Variants in SYNDIG1L observed in about 807,000 individuals in gnomAD.
The protein encoded by SYNDIG1L is synapse differentiation-inducing gene protein 1-like.
Under a neutral mutation model 20.1 loss-of-function variants are expected in SYNDIG1L, and 13 were observed. That is an observed-to-expected ratio of 0.65 (90% CI 0.42 to 1.03). SYNDIG1L has a LOEUF of 1.03. Ranked by LOEUF, SYNDIG1L falls within the 50% of genes least tolerant of loss-of-function variation. SYNDIG1L has a pLI of 0.00. For synonymous variants in SYNDIG1L, 128 were observed against 129.3 expected (o/e 0.99, Z 0.07); for missense variants, 294 against 305.1 (o/e 0.96, Z 0.27).
the SYNDIG1L span, among the ~76,000 whole-genome samples, chr14:74,437,185 T>C: frequency 1.8e-4 from 28 of 152,338 alleles, no homozygotes; most frequent in South Asian, 5.8e-3. Context: ...CTTGCAGCTC[T>C]GATGTCCTGG....
At chr14:74,438,120 G>C in the SYNDIG1L span, among the ~76,000 whole-genome samples, 1 of 152,132 alleles carries the variant, frequency 6.6e-6, no homozygotes, top group African/African-American at 2.4e-5. Context: ...TAAAATCCTT[G>C]GTGAGGTCTG....
intron 1 of SYNDIG1L, among the ~76,000 whole-genome samples, chr14:74,424,308 G>A (rs2086248359): frequency 6.6e-6 from 1 of 152,212 alleles, no homozygotes; most frequent in Non-Finnish European, 1.5e-5. Context: ...CGGCGGATCT[G>A]TGACCAGAAC....
the SYNDIG1L span, among the ~76,000 whole-genome samples, chr14:74,434,975 C>T: frequency 2.1e-5 from 3 of 146,202 alleles, no homozygotes; most frequent in South Asian, 2.2e-4. Context: ...CCCAGCTGCT[C>T]GGGAGGCGGA....
chr14:74,430,184 C>G (rs1286398693), upstream of SYNDIG1L, among the ~76,000 whole-genome samples: 3 of 152,138 alleles, frequency 2.0e-5, no homozygotes, highest in Admixed American at 6.5e-5. Flanking sequence ...ATCCAGCCAC[C>G]GCAGACTGCA....
In SYNDIG1L at chr14:74,407,956, C is replaced by T. The variant is rs747690953; in HGVS notation, c.451G>A (p.Asp151Asn). ...DATSTESESE[D>N]NFLTLPPRDH... ...CTGGGAGGCAGCGTGAGGAAGTTGT[C>T]TTCACTTTCACTCTCCGTTGAAGTG... The change falls in exon 3 of 4, where the codon GAC becomes AAC. Residue 151 changes from aspartate to asparagine, a missense_variant. Coordinates refer to ENST00000331628, the MANE Select transcript of SYNDIG1L (RefSeq NM_001105579.2). The T allele has an allele frequency of 6.2e-7, 1 of 1,613,458 alleles. No individual in the cohort carries two copies. Among genetic ancestry groups the T allele is most frequent in the Admixed American group, 1.7e-5 (1 of 59,918 alleles).
the SYNDIG1L span, among the ~76,000 whole-genome samples, chr14:74,455,943 C>T: frequency 6.6e-6 from 1 of 152,204 alleles, no homozygotes; most frequent in Admixed American, 6.5e-5. Context: ...CCCTGGCTGC[C>T]CCCAGCCCCA....
At chr14:74,463,337 G>A in the SYNDIG1L span, among the ~76,000 whole-genome samples, 1 of 152,056 alleles carries the variant, frequency 6.6e-6, no homozygotes, top group African/African-American at 2.4e-5. Flanking sequence ...TTTACTATCT[G>A]TCCATCCCTG....
the SYNDIG1L span, among the ~76,000 whole-genome samples, chr14:74,436,363 A>G: frequency 5.3e-5 from 8 of 151,964 alleles, no homozygotes; most frequent in South Asian, 1.7e-3. Context: ...CAAAATGCTG[A>G]AATTATAGGC....
the SYNDIG1L span, among the ~76,000 whole-genome samples, chr14:74,442,636 T>C: frequency 6.6e-6 from 1 of 152,204 alleles, no homozygotes; most frequent in Non-Finnish European, 1.5e-5. Context: ...AGAAGAGATC[T>C]CTAGCTAACA....
the SYNDIG1L span, among the ~76,000 whole-genome samples, chr14:74,477,090 A>AC: frequency 6.7e-5 from 4 of 59,444 alleles, no homozygotes; most frequent in Non-Finnish European, 1.0e-4. Flanking sequence ...ACACACACAC[A>AC]ACCCTGTCTC....
upstream of SYNDIG1L, among the ~76,000 whole-genome samples, chr14:74,428,709 G>A (rs959692212): frequency 6.6e-6 from 1 of 152,208 alleles, no homozygotes; most frequent in East Asian, 1.9e-4. Flanking sequence ...GGAGGGGATT[G>A]TTGGTAGGAA....
At chr14:74,443,736 G>C in the SYNDIG1L span, among the ~76,000 whole-genome samples, 1 of 152,294 alleles carries the variant, frequency 6.6e-6, no homozygotes, top group African/African-American at 2.4e-5. Flanking sequence ...TTGAAAGGGA[G>C]ACCTGGAGGA....
the SYNDIG1L span, among the ~76,000 whole-genome samples, chr14:74,441,854 TA>T: frequency 6.6e-6 from 1 of 151,986 alleles, no homozygotes; most frequent in Non-Finnish European, 1.5e-5. Context: ...CCTGTTTTAA[TA>T]AAAAAAATTT....
the SYNDIG1L span, among the ~76,000 whole-genome samples, chr14:74,441,587 C>T: frequency 6.6e-6 from 1 of 152,110 alleles, no homozygotes; most frequent in Non-Finnish European, 1.5e-5. Flanking sequence ...CTCACTGTAG[C>T]CTCGAATTCC....
chr14:74,413,776 T>TCA (rs3047686), intron 1 of SYNDIG1L, among the ~76,000 whole-genome samples: 110 of 150,134 alleles, frequency 7.3e-4, no homozygotes, highest in African/African-American at 1.2e-3. Flanking sequence ...ACATATACAC[T>TCA]CACACACACA....
At chr14:74,443,518 C>A in the SYNDIG1L span, among the ~76,000 whole-genome samples, 1 of 152,174 alleles carries the variant, frequency 6.6e-6, no homozygotes. Flanking sequence ...AAAGACCAGG[C>A]AGTATCCTGA....
chr14:74,406,384 T>G lies in SYNDIG1L; in HGVS notation c.*1151A>C. The G allele has an allele frequency of 3.5e-6, 1 of 283,316 alleles. No homozygotes were observed. The highest frequency in any genetic ancestry group is 6.5e-6 in the Non-Finnish European group (1 of 152,882). The allele number at this position is 283,316 out of a possible 1,614,324, so 17.6% of individuals were successfully genotyped here. A position where few individuals can be genotyped will look rare whatever the true frequency, so the allele number is the denominator to read the frequency against. ...CTGTAGTTTGGCTCCAGCCCAGATG[T>G]TCCAGGCAGAATCCAAACAGCCTGG... On this transcript the variant is annotated 3_prime_UTR_variant, in exon 4 of 4. Coordinates refer to ENST00000331628, the MANE Select transcript of SYNDIG1L (RefSeq NM_001105579.2).
chr14:74,461,381 A>G, the SYNDIG1L span, among the ~76,000 whole-genome samples: 2 of 152,224 alleles, frequency 1.3e-5, no homozygotes, highest in Non-Finnish European at 2.9e-5. Flanking sequence ...AGTGGATAAC[A>G]TCACGAGAAA....
chr14:74,433,560 A>G, the SYNDIG1L span, among the ~76,000 whole-genome samples: 2 of 152,028 alleles, frequency 1.3e-5, no homozygotes, highest in East Asian at 3.9e-4. Context: ...AATTTTTTGT[A>G]TTTTAGTAGA....
Sources: allele counts gnomAD v4.1 joint callset (sites outside exome capture counted in the v4.1 genomes callset), GRCh38; gene constraint gnomAD v4.1.1; transcripts MANE v1.5; gene names NCBI Gene and HGNC (gene_info 2026-07-23, HGNC 2026-07-21).